The following CNOT4 variants were observed in gnomAD, a reference collection of about 807,000 sequenced individuals.
The protein encoded by CNOT4 is CCR4-NOT transcription complex subunit 4.
CNOT4 carries 8 observed loss-of-function variants against 73.8 expected under a neutral mutation model. That is an observed-to-expected ratio of 0.11 (90% confidence interval 0.06 to 0.20). The LOEUF is 0.20. CNOT4 is among the 10% of genes least tolerant of loss of function. CNOT4 has a pLI of 1.00. For synonymous variants in CNOT4, 293 were observed against 321.1 expected (o/e 0.91, Z 0.94); for missense variants, 564 against 883.4 (o/e 0.64, Z 4.58).
At chr7:135,505,630 G>A (rs1804320652) in intron 1 of CNOT4, among the ~76,000 whole-genome samples, 1 of 152,140 alleles carries the variant, frequency 6.6e-6, no homozygotes, top group African/African-American at 2.4e-5. Flanking sequence ...CTCAAACTGT[G>A]TTATACCATC....
rs565635501 is a variant in CNOT4 at position 135,419,966 on chromosome 7, T to C, written c.372+2190A>G. Among the ~76,000 whole-genome samples the C allele has an allele frequency of 9.2e-5, 14 of 151,452 alleles. No homozygotes were observed. The South Asian group carries it at 2.9e-3, about 32-fold the overall frequency. Reference sequence around the variant, plus strand: ...TCCTCAGGTGGTGGAGACAGGAGAATCACTTGAACCCAGGGGGTGGAGGCT... The same window carrying C: ...TCCTCAGGTGGTGGAGACAGGAGAACCACTTGAACCCAGGGGGTGGAGGCT... On this transcript the variant is annotated intron_variant, in intron 3 of 11. Transcript: ENST00000541284.
chr7:135,498,387 T>A (rs1803732625), intron 1 of CNOT4, among the ~76,000 whole-genome samples: 1 of 152,194 alleles, frequency 6.6e-6, no homozygotes, highest in African/African-American at 2.4e-5. Context: ...CATTCAGAGT[T>A]CCCCAAAGCT....
At chr7:135,496,997 G>C (rs775177126) in intron 1 of CNOT4, among the ~76,000 whole-genome samples, 19 of 151,690 alleles carry the variant, frequency 1.3e-4, no homozygotes, top group Non-Finnish European at 2.2e-4. Context: ...TTAAGAAATG[G>C]AGTCTCACTA....
At chr7:135,479,455 C>T (rs907472423) in intron 1 of CNOT4, among the ~76,000 whole-genome samples, 14 of 151,676 alleles carry the variant, frequency 9.2e-5, no homozygotes, top group Admixed American at 3.3e-4. Context: ...GTGATCCGCC[C>T]GCCTCGGCCT....
At chr7:135,477,294 GAT>G (rs1477754769) in intron 1 of CNOT4, among the ~76,000 whole-genome samples, 2 of 151,524 alleles carry the variant, frequency 1.3e-5, no homozygotes, top group African/African-American at 4.8e-5. Flanking sequence ...AGTGAGCTGG[GAT>G]TGCGCCACTG....
chr7:135,427,579 G>T (rs201309644), intron 2 of CNOT4, among the ~76,000 whole-genome samples: 1 of 152,062 alleles, frequency 6.6e-6, no homozygotes, highest in African/African-American at 2.4e-5. Context: ...TTTTCTTTTT[G>T]ATCTCTTTAA....
At chr7:135,416,267 T>C (rs1041969681) in intron 3 of CNOT4, among the ~76,000 whole-genome samples, 9 of 152,220 alleles carry the variant, frequency 5.9e-5, no homozygotes, top group African/African-American at 2.2e-4. Context: ...GTTCTGCATT[T>C]GATAGAATCA....
At chr7:135,399,139 ATAAC>A (rs111672451) in intron 7 of CNOT4, among the ~76,000 whole-genome samples, 5,311 of 152,150 alleles carry the variant, frequency 0.035, 313 homozygotes, top group African/African-American at 0.12. Flanking sequence ...TATCATTCCT[ATAAC>A]TAACTTTATT....
chr7:135,444,735 C>G, intron 1 of CNOT4: 1 of 1,408,050 alleles, frequency 7.1e-7, no homozygotes, highest in Non-Finnish European at 1.0e-6. Flanking sequence ...GGGCTATTCC[C>G]TGGCTGCGAC....
At chr7:135,479,214 T>C (rs1011873398) in intron 1 of CNOT4, among the ~76,000 whole-genome samples, 2 of 134,906 alleles carry the variant, frequency 1.5e-5, no homozygotes, top group African/African-American at 5.6e-5. Flanking sequence ...TTTTTTTTTT[T>C]TTTTTTTTTT....
rs1000923324 is a variant in CNOT4 at position 135,395,497 on chromosome 7, G to A, written c.1129+137C>T. The A allele has an allele frequency of 3.2e-4, 313 of 969,488 alleles. 3 individuals are homozygous for A. The East Asian group carries it at 6.8e-3, about 21-fold the overall frequency. The allele number at this position is 969,488 out of a possible 1,614,324, so 60.1% of individuals were successfully genotyped here. A position where few individuals can be genotyped will look rare whatever the true frequency, so the allele number is the denominator to read the frequency against. The stretch of plus-strand genomic sequence containing the variant: ...GTATTTAACCACCTAATTCCATGTA[G>A]TTTAAATATTTGCATTTTTATTAAA... On this transcript the variant is annotated intron_variant, in intron 9 of 11. Coordinates refer to ENST00000541284, the MANE Select transcript of CNOT4 (RefSeq NM_001190850.2).
At chr7:135,387,145 A>G (rs1340016248) in intron 10 of CNOT4, 4 of 978,082 alleles carry the variant, frequency 4.1e-6, no homozygotes, top group Non-Finnish European at 4.9e-6. Flanking sequence ...GACTGATAAT[A>G]AGTCTACAAT....
intron 2 of CNOT4, among the ~76,000 whole-genome samples, chr7:135,434,653 T>C (rs1159305056): frequency 6.6e-6 from 1 of 152,200 alleles, no homozygotes; most frequent in East Asian, 1.9e-4. Context: ...TAACACACTA[T>C]ATGCTAACTG....
intron 1 of CNOT4, among the ~76,000 whole-genome samples, chr7:135,470,797 A>G (rs1801531144): frequency 6.6e-6 from 1 of 152,214 alleles, no homozygotes; most frequent in African/African-American, 2.4e-5. Flanking sequence ...CTGGTGACAG[A>G]ATCAGAACAA....
At chr7:135,428,043 A>G (rs1367633947) in intron 2 of CNOT4, among the ~76,000 whole-genome samples, 1 of 152,222 alleles carries the variant, frequency 6.6e-6, no homozygotes, top group Non-Finnish European at 1.5e-5. Flanking sequence ...GTCTCAGGGT[A>G]AGAACAAACT....
chr7:135,424,043 ACACACACACAC>A (rs1563041570), intron 2 of CNOT4, among the ~76,000 whole-genome samples: 10 of 3,982 alleles, frequency 2.5e-3, no homozygotes, highest in African/African-American at 0.011. Context: ...CAAACAAAAC[ACACACACACAC>A]ACACACACAC....
chr7:135,508,891 C>G (rs1804544597), intron 1 of CNOT4, among the ~76,000 whole-genome samples: 1 of 151,730 alleles, frequency 6.6e-6, no homozygotes, highest in Admixed American at 6.6e-5. Flanking sequence ...AGAGGCAATC[C>G]AAAGAACGCT....
chr7:135,474,397 G>C (rs1326988574), intron 1 of CNOT4, among the ~76,000 whole-genome samples: 1 of 148,134 alleles, frequency 6.8e-6, no homozygotes, highest in Non-Finnish European at 1.5e-5. Context: ...CAATTCTCCT[G>C]CCTCAGCCTC....
At chr7:135,389,485 A>G (rs533416169) in intron 10 of CNOT4, among the ~76,000 whole-genome samples, 6 of 151,998 alleles carry the variant, frequency 3.9e-5, no homozygotes, top group Non-Finnish European at 7.4e-5. Context: ...TGAAAATGAG[A>G]TGACTACTTC....
Sources: gnomAD v4.1 joint callset for allele counts (sites outside exome capture counted in the v4.1 genomes callset) on GRCh38, gnomAD v4.1.1 for gene constraint, MANE v1.5 for transcripts, NCBI Gene and HGNC (gene_info 2026-07-23, HGNC 2026-07-21) for gene names.